The following ZNF385D variants were observed in gnomAD, a reference collection of about 807,000 sequenced individuals.
The protein encoded by ZNF385D is zinc finger protein 385D.
ZNF385D carries 15 observed loss-of-function variants against 35.8 expected under a neutral mutation model. The observed-to-expected ratio is 0.42, with a 90% CI of 0.28 to 0.64. ZNF385D has a LOEUF of 0.64. Ranked by LOEUF, ZNF385D falls within the 30% of genes least tolerant of loss-of-function variation. ZNF385D has a pLI of 0.23. For synonymous variants in ZNF385D, 212 were observed against 186.8 expected (o/e 1.13, Z -1.10); for missense variants, 474 against 494.6 (o/e 0.96, Z 0.39).
At chr3:22,130,111 T>A (rs999131912) in intron 3 of ZNF385D, among the ~76,000 whole-genome samples, 1 of 152,146 alleles carries the variant, frequency 6.6e-6, no homozygotes, top group Admixed American at 6.6e-5. Flanking sequence ...AAAAACATCA[T>A]CTGGGAGCTA....
intron 3 of ZNF385D, among the ~76,000 whole-genome samples, chr3:21,971,829 C>A (rs963946992): frequency 1.8e-4 from 28 of 151,610 alleles, no homozygotes; most frequent in African/African-American, 6.3e-4. Flanking sequence ...TTATATTAGA[C>A]AAAATAGATT....
chr3:21,876,752 A>C (rs1183925837), intron 3 of ZNF385D, among the ~76,000 whole-genome samples: 1 of 151,904 alleles, frequency 6.6e-6, no homozygotes, highest in Non-Finnish European at 1.5e-5. Context: ...GTTTTGTAGT[A>C]CAAAATCTTT....
intron 3 of ZNF385D, among the ~76,000 whole-genome samples, chr3:21,938,731 C>A (rs1701376491): frequency 6.6e-6 from 1 of 152,130 alleles, no homozygotes; most frequent in Non-Finnish European, 1.5e-5. Flanking sequence ...AACTAATGTC[C>A]ACCTCAACAC....
In ZNF385D at chr3:21,581,672, A is replaced by G. The variant is rs557109863; in HGVS notation, c.166-16988T>C. 3.3e-5 allele frequency among the ~76,000 whole-genome samples: 5 copies of G among 152,344 alleles called. No individual in the cohort carries two copies. In the East Asian group the frequency reaches 5.8e-4, roughly 18 times the overall value. The stretch of plus-strand genomic sequence containing the variant: ...TTGTTCAACTTTGTAGAAGAATTGC[A>G]TTGTTATCTGAAGGTGACTGTGTTT... On this transcript the variant is annotated intron_variant, in intron 2 of 7. Transcript: ENST00000281523.
At chr3:21,600,988 A>C (rs2064270905) in intron 2 of ZNF385D, among the ~76,000 whole-genome samples, 1 of 152,100 alleles carries the variant, frequency 6.6e-6, no homozygotes, top group African/African-American at 2.4e-5. Flanking sequence ...TCCTGACAAA[A>C]TTTGCATGGA....
intron 3 of ZNF385D, among the ~76,000 whole-genome samples, chr3:21,771,290 C>G (rs1418650468): frequency 6.6e-6 from 1 of 150,516 alleles, no homozygotes; most frequent in Non-Finnish European, 1.5e-5. Flanking sequence ...CTGGTTGATC[C>G]TTGGCACAGG....
intron 2 of ZNF385D, among the ~76,000 whole-genome samples, chr3:22,297,112 T>A (rs965441578): frequency 1.3e-5 from 2 of 152,082 alleles, no homozygotes; most frequent in East Asian, 3.9e-4. Context: ...TATTCTCCTA[T>A]CTTGAAAAAT....
chr3:21,738,116 C>T (rs1213224937), intron 1 of ZNF385D, among the ~76,000 whole-genome samples: 1 of 152,230 alleles, frequency 6.6e-6, no homozygotes, highest in African/African-American at 2.4e-5. Flanking sequence ...CAGGGGGCTG[C>T]TTGGCTTGTA....
chr3:22,293,504 C>G (rs1702411307), intron 2 of ZNF385D, among the ~76,000 whole-genome samples: 2 of 152,094 alleles, frequency 1.3e-5, no homozygotes. Context: ...TAGCAATACT[C>G]TCCTTACAAG....
intron 2 of ZNF385D, among the ~76,000 whole-genome samples, chr3:22,171,049 G>C (rs1424816032): frequency 6.6e-6 from 1 of 152,196 alleles, no homozygotes; most frequent in Admixed American, 6.5e-5. Flanking sequence ...GGCAAGATTA[G>C]AGTTGGCTTG....
chr3:22,155,625 C>T (rs560538203), intron 3 of ZNF385D, among the ~76,000 whole-genome samples: 2 of 152,132 alleles, frequency 1.3e-5, no homozygotes, highest in Admixed American at 1.3e-4. Flanking sequence ...TGACACTTTC[C>T]TGATTGTCTC....
At chr3:22,235,387 G>C (rs1699121473) in intron 2 of ZNF385D, among the ~76,000 whole-genome samples, 1 of 152,108 alleles carries the variant, frequency 6.6e-6, no homozygotes, top group Non-Finnish European at 1.5e-5. Context: ...TGATTGCAGG[G>C]AGAAAAAGGG....
In ZNF385D at chr3:21,511,034, G is replaced by A; in HGVS notation, c.277-11C>T. On this transcript the variant is annotated splice_polypyrimidine_tract_variant and intron_variant, in intron 3 of 7. Transcript: ENST00000281523. ...GGCCGCAGCCTGGCTCTACAAAGGA[G>A]AACAAAATGAACCATGCAATCAGGC... 3 of 1,613,672 alleles carry A rather than the reference G, an allele frequency of 1.9e-6. No individual in the cohort carries two copies. Among genetic ancestry groups the A allele is most frequent in the Non-Finnish European group, 2.5e-6 (3 of 1,179,878 alleles).
At chr3:21,670,779 C>G (rs1575432990) in intron 1 of ZNF385D, among the ~76,000 whole-genome samples, 1 of 149,784 alleles carries the variant, frequency 6.7e-6, no homozygotes, top group East Asian at 2.0e-4. Context: ...ACTTATACCC[C>G]CTCCCTCACT....
intron 3 of ZNF385D, chr3:22,133,816 C>G (rs1184235438): frequency 6.6e-6 from 1 of 151,902 alleles, no homozygotes; most frequent in Non-Finnish European, 1.5e-5. Flanking sequence ...CTACTTTTCT[C>G]CACAAACAAA....
At chr3:22,093,653 C>G (rs35875436) in intron 3 of ZNF385D, among the ~76,000 whole-genome samples, 2 of 151,992 alleles carry the variant, frequency 1.3e-5, no homozygotes, top group African/African-American at 4.8e-5. Context: ...TCACCTCTGT[C>G]TTCCCACTCA....
chr3:22,354,816 T>C (rs1034996300), intron 2 of ZNF385D, among the ~76,000 whole-genome samples: 1 of 152,060 alleles, frequency 6.6e-6, no homozygotes, highest in Non-Finnish European at 1.5e-5. Flanking sequence ...CCTGTGCTGT[T>C]TAATATGGTG....
intron 3 of ZNF385D, among the ~76,000 whole-genome samples, chr3:22,014,206 C>A (rs561085361): frequency 2.7e-5 from 4 of 150,712 alleles, no homozygotes; most frequent in African/African-American, 9.8e-5. Context: ...ATGGCTGCTA[C>A]CTTTTTTTTT....
At chr3:22,227,233 C>T (rs1329560479) in intron 2 of ZNF385D, among the ~76,000 whole-genome samples, 1 of 151,996 alleles carries the variant, frequency 6.6e-6, no homozygotes, top group Non-Finnish European at 1.5e-5. Flanking sequence ...GTTCCTAACT[C>T]CCATAACCGT....
Sources: gnomAD v4.1 joint callset for allele counts (sites outside exome capture counted in the v4.1 genomes callset) on GRCh38, gnomAD v4.1.1 for gene constraint, MANE v1.5 for transcripts, NCBI Gene and HGNC (gene_info 2026-07-23, HGNC 2026-07-21) for gene names.